Variants in CCDC34 observed in about 807,000 individuals in gnomAD.
CCDC34 encodes coiled-coil domain-containing protein 34.
Under a neutral mutation model 44.1 loss-of-function variants are expected in CCDC34, and 40 were observed. The ratio of observed to expected loss-of-function variants is 0.91; its 90% CI spans 0.70 to 1.18. The LOEUF is 1.18. Ranked by LOEUF, CCDC34 falls within the 50% of genes most tolerant of loss-of-function variation. CCDC34 has a pLI of 0.00. For synonymous variants in CCDC34, 159 were observed against 158.2 expected (o/e 1.01, Z -0.04); for missense variants, 466 against 452.3 (o/e 1.03, Z -0.28).
intron 2 of CCDC34, among the ~76,000 whole-genome samples, chr11:27,355,236 T>C (rs779595823): frequency 6.6e-6 from 1 of 152,134 alleles, no homozygotes; most frequent in Non-Finnish European, 1.5e-5. Context: ...TAAAACCAAT[T>C]TAATGAATTA....
Position 27,357,510 on chromosome 11 carries a change from C to T in CCDC34, c.391G>A (p.Glu131Lys), listed in dbSNP as rs1268451782. 3 of 1,613,738 alleles carry T rather than the reference C, an allele frequency of 1.9e-6. No homozygotes were observed. The highest frequency in any genetic ancestry group is 2.5e-6 in the Non-Finnish European group (3 of 1,179,882). ...TCTGGTAAGCGCACCTGTTTCTGTTCTTCTTGGTTATTTTCTGATTCAACC... is the reference window on the plus strand; with the variant it reads ...TCTGGTAAGCGCACCTGTTTCTGTTTTTCTTGGTTATTTTCTGATTCAACC... ...TQVESENNQE[E>K]QKQVRLPESR... is the part of the protein sequence containing the mutation. The change falls in exon 2 of 6, where the codon GAA becomes AAA. Residue 131 changes from glutamate to lysine, a missense_variant. Glu to Lys is a moderately conservative substitution (Grantham distance 56). Transcript: ENST00000328697.
intron 1 of CCDC34, among the ~76,000 whole-genome samples, chr11:27,357,804 C>A (rs1313832492): frequency 6.6e-6 from 1 of 152,162 alleles, no homozygotes; most frequent in African/African-American, 2.4e-5. Context: ...ATTGGGATAA[C>A]CCACACCCTA....
intron 3 of CCDC34, among the ~76,000 whole-genome samples, chr11:27,343,077 C>T (rs1862383577): frequency 6.6e-6 from 1 of 152,000 alleles, no homozygotes; most frequent in African/African-American, 2.4e-5. Flanking sequence ...AAGATATGTC[C>T]AGGGCTGTGC....
chr11:27,351,516 C>T (rs193165180), intron 2 of CCDC34, among the ~76,000 whole-genome samples: 138 of 152,242 alleles, frequency 9.1e-4, no homozygotes, highest in African/African-American at 2.9e-3. Flanking sequence ...ACACTATACC[C>T]CCAAAAGCAA....
intron 2 of CCDC34, among the ~76,000 whole-genome samples, chr11:27,353,861 A>G (rs1862536981): frequency 6.6e-6 from 1 of 152,212 alleles, no homozygotes; most frequent in African/African-American, 2.4e-5. Context: ...ATTTAAATGG[A>G]AGTCAAAGAA....
At chr11:27,350,937 G>A (rs2133344976) in intron 2 of CCDC34, among the ~76,000 whole-genome samples, 1 of 152,246 alleles carries the variant, frequency 6.6e-6, no homozygotes, top group South Asian at 2.1e-4. Context: ...AGAACCCAGA[G>A]TTTTCTTCAC....
intron 2 of CCDC34, among the ~76,000 whole-genome samples, chr11:27,356,190 G>A (rs1395681542): frequency 6.6e-6 from 1 of 151,288 alleles, no homozygotes; most frequent in African/African-American, 2.4e-5. Context: ...AGATAATTTT[G>A]TATTTTTAGT....
intron 1 of CCDC34, among the ~76,000 whole-genome samples, chr11:27,362,394 T>C (rs925263638): frequency 1.3e-5 from 2 of 152,212 alleles, no homozygotes; most frequent in Non-Finnish European, 2.9e-5. Context: ...GTGACCTGTT[T>C]ACTACAACCT....
chr11:27,358,808 TCATCCTCTAC>T (rs1862616033), intron 1 of CCDC34, among the ~76,000 whole-genome samples: 1 of 152,050 alleles, frequency 6.6e-6, no homozygotes, highest in Non-Finnish European at 1.5e-5. Flanking sequence ...ACAAATCTAA[TCATCCTCTAC>T]CATCCACCCA....
At chr11:27,349,115 T>C (rs1055438330) in intron 3 of CCDC34, 1 of 984,474 alleles carries the variant, frequency 1.0e-6, no homozygotes, top group East Asian at 1.1e-4. Context: ...ATTAGCTTAA[T>C]GGAGTTAGAA....
At chr11:27,349,616 G>T in intron 3 of CCDC34, 1 of 982,726 alleles carries the variant, frequency 1.0e-6, no homozygotes, top group Non-Finnish European at 1.2e-6. Flanking sequence ...AAGACAAATT[G>T]ACCACAGAAT....
intron 3 of CCDC34, among the ~76,000 whole-genome samples, chr11:27,348,356 T>C (rs764584281): frequency 6.6e-6 from 1 of 152,218 alleles, no homozygotes; most frequent in Non-Finnish European, 1.5e-5. Flanking sequence ...CGAAAAACGA[T>C]TTTATTTTTA....
chr11:27,358,966 C>A (rs1007017621), intron 1 of CCDC34, among the ~76,000 whole-genome samples: 2 of 118,890 alleles, frequency 1.7e-5, no homozygotes, highest in African/African-American at 2.9e-5. Context: ...GGACCCCCCC[C>A]CCCCACCGCC....
chr11:27,356,516 T>C (rs915759284), intron 2 of CCDC34, among the ~76,000 whole-genome samples: 1 of 152,004 alleles, frequency 6.6e-6, no homozygotes, highest in Non-Finnish European at 1.5e-5. Context: ...AAAGAAGAAG[T>C]GTCCCTCATC....
chr11:27,344,386 G>A (rs1488346730), intron 3 of CCDC34, among the ~76,000 whole-genome samples: 2 of 150,366 alleles, frequency 1.3e-5, no homozygotes. Context: ...ATAAACACAT[G>A]CATGCTGCAT....
intron 3 of CCDC34, among the ~76,000 whole-genome samples, chr11:27,342,755 GC>G (rs1398360539): frequency 6.6e-6 from 1 of 152,036 alleles, no homozygotes; most frequent in Non-Finnish European, 1.5e-5. Context: ...TCATTAACTG[GC>G]CCTTTATAGA....
chr11:27,340,560 G>C, intron 5 of CCDC34, 136 bp downstream of exon 5: 1 of 876,788 alleles, frequency 1.1e-6, no homozygotes, highest in Non-Finnish European at 1.7e-6. Context: ...AACATGACAT[G>C]TTTATAATAT....
rs183892399 is a variant in CCDC34, at chr11:27,351,824, G to A, written c.499-1385C>T. Among the ~76,000 whole-genome samples the A allele has an allele frequency of 5.5e-3, 840 of 152,274 alleles. 8 individuals are homozygous for A. Among genetic ancestry groups the A allele is most frequent in the African/African-American group, 0.019 (803 of 41,554 alleles). On this transcript the variant is annotated intron_variant, in intron 2 of 5. Coordinates refer to ENST00000328697, the MANE Select transcript of CCDC34 (RefSeq NM_030771.2). The stretch of plus-strand genomic sequence containing the variant: ...TAGTCAGAAATGAGCACCATACAAG[G>A]AACAGTGAAAAGATGGCTTCGAAAG...
At chr11:27,341,193 GCTTA>G (rs1361839444) in intron 4 of CCDC34, among the ~76,000 whole-genome samples, 195 bp downstream of exon 4, 3 of 152,048 alleles carry the variant, frequency 2.0e-5, no homozygotes, top group Non-Finnish European at 4.4e-5. Context: ...ATATCAACAG[GCTTA>G]CTATTTCTCA....
Sources: gnomAD v4.1 joint callset for allele counts (sites outside exome capture counted in the v4.1 genomes callset) on GRCh38, gnomAD v4.1.1 for gene constraint, MANE v1.5 for transcripts, NCBI Gene and HGNC (gene_info 2026-07-23, HGNC 2026-07-21) for gene names.